KLHL8: variants seen among roughly 807,000 people sequenced by gnomAD.
KLHL8 encodes the protein kelch like family member 8.
KLHL8 carries 38 observed loss-of-function variants against 63.5 expected under a neutral mutation model. The observed-to-expected ratio is 0.60, with a 90% CI of 0.46 to 0.78. The LOEUF is 0.78. Among genes scored for constraint, KLHL8 ranks in the 30% least tolerant of loss-of-function variants. KLHL8 has a pLI of 0.00. For missense variants in KLHL8, 566 were observed against 752.4 expected (o/e 0.75, Z 2.90); for synonymous variants, 224 against 254.3 (o/e 0.88, Z 1.13).
intron 1 of KLHL8, among the ~76,000 whole-genome samples, chr4:87,212,819 T>C (rs1037916478): frequency 6.6e-6 from 1 of 152,184 alleles, no homozygotes; most frequent in Non-Finnish European, 1.5e-5. Context: ...CTGTATAGGT[T>C]TGTAACCCAG....
At chr4:87,215,605 T>TAG (rs1293909017) in intron 1 of KLHL8, among the ~76,000 whole-genome samples, 12 of 152,222 alleles carry the variant, frequency 7.9e-5, no homozygotes, top group Non-Finnish European at 1.0e-4. Context: ...ATGCTACTAG[T>TAG]AACTGATCCA....
chr4:87,203,267 G>A (rs1731987882), intron 1 of KLHL8, among the ~76,000 whole-genome samples: 1 of 147,252 alleles, frequency 6.8e-6, no homozygotes, highest in African/African-American at 2.4e-5. Flanking sequence ...GCTGAGCACA[G>A]TGGCTCACAC....
intron 1 of KLHL8, among the ~76,000 whole-genome samples, chr4:87,198,758 T>C (rs929214531): frequency 1.3e-5 from 2 of 152,206 alleles, no homozygotes; most frequent in Non-Finnish European, 2.9e-5. Flanking sequence ...CATATGAATC[T>C]CTATGTGATA....
intron 1 of KLHL8, among the ~76,000 whole-genome samples, chr4:87,198,832 TG>T (rs1731801819): frequency 6.6e-6 from 1 of 152,240 alleles, no homozygotes; most frequent in Non-Finnish European, 1.5e-5. Context: ...TGCACACCCA[TG>T]TTCACTGTGG....
At chr4:87,233,679 C>T (rs980981855) in intron 1 of KLHL8, among the ~76,000 whole-genome samples, 5 of 152,110 alleles carry the variant, frequency 3.3e-5, no homozygotes, top group Non-Finnish European at 7.4e-5. Flanking sequence ...ATTTCTGGGA[C>T]ATAACGATAT....
chr4:87,224,431 G>A (rs191733479), upstream of KLHL8, among the ~76,000 whole-genome samples: 1 of 152,174 alleles, frequency 6.6e-6, no homozygotes, highest in Non-Finnish European at 1.5e-5. Flanking sequence ...CTTGCCGAGG[G>A]ATTTGGAAAG....
chr4:87,232,193 G>C (rs1046871442), intron 1 of KLHL8, among the ~76,000 whole-genome samples: 1 of 152,136 alleles, frequency 6.6e-6, no homozygotes, highest in Non-Finnish European at 1.5e-5. Context: ...ATCTGAATGT[G>C]ATATTTATTT....
intron 9 of KLHL8, 28 bp downstream of exon 9, chr4:87,163,850 T>C (rs1289869010): frequency 1.1e-5 from 17 of 1,602,778 alleles, no homozygotes; most frequent in African/African-American, 1.3e-5. Context: ...GAAGATAATA[T>C]AAAGCACGGA....
rs1462111387 is a variant in KLHL8, at chr4:87,160,325, C to CCCT, written c.*3193_*3194insAGG. The CCCT allele has an allele frequency of 1.3e-5, 2 of 152,130 alleles. No individual in the cohort carries two copies. Among genetic ancestry groups the CCCT allele is most frequent in the Non-Finnish European group, 2.9e-5 (2 of 67,988 alleles). 9.4% of individuals were successfully genotyped at this position (152,130 alleles called of 1,614,324 possible). On this transcript the variant is annotated 3_prime_UTR_variant, in exon 10 of 10. Coordinates refer to ENST00000273963, the MANE Select transcript of KLHL8 (RefSeq NM_020803.5). Reference sequence around the variant, plus strand: ...AAGGGGAAAGAGACATAGCCAATGGCATCCCAGTAATAATTTCTTTACACA... The same window carrying CCCT: ...AAGGGGAAAGAGACATAGCCAATGGCCCTATCCCAGTAATAATTTCTTTACACA...
At chr4:87,207,505 G>A (rs1471873051) in intron 1 of KLHL8, 10 of 823,888 alleles carry the variant, frequency 1.2e-5, no homozygotes, top group Non-Finnish European at 1.9e-5. Flanking sequence ...TGAGAAGTAT[G>A]ACAACAGCCT....
At chr4:87,207,331 T>C in intron 1 of KLHL8, 1 of 620,876 alleles carries the variant, frequency 1.6e-6, no homozygotes, top group Non-Finnish European at 3.0e-6. Context: ...GCGAGATCCC[T>C]CCAAAATCAA....
intron 4 of KLHL8, among the ~76,000 whole-genome samples, chr4:87,179,167 G>A (rs989064526): frequency 2.6e-5 from 4 of 151,972 alleles, no homozygotes; most frequent in African/African-American, 9.7e-5. Flanking sequence ...ATCTCCACTT[G>A]ATGTCCCACA....
chr4:87,225,949 G>C (rs568564571), intron 1 of KLHL8, among the ~76,000 whole-genome samples: 9 of 152,108 alleles, frequency 5.9e-5, no homozygotes, highest in Non-Finnish European at 1.3e-4. Context: ...CCTAGATAGG[G>C]TTGAATTCTC....
upstream of KLHL8, among the ~76,000 whole-genome samples, chr4:87,223,937 TCCTTC>T (rs2110064749): frequency 6.6e-6 from 1 of 152,304 alleles, no homozygotes; most frequent in African/African-American, 2.4e-5. Flanking sequence ...TCTAAGAAAT[TCCTTC>T]CCTTCCCTCA....
At chr4:87,239,932 C>G (rs1001938731) in intron 1 of KLHL8, among the ~76,000 whole-genome samples, 6 of 152,166 alleles carry the variant, frequency 3.9e-5, no homozygotes, top group African/African-American at 1.4e-4. Flanking sequence ...CATCCAAGAA[C>G]AAACCTTTGA....
At position 87,161,770 on chromosome 4, in the gene KLHL8, T is replaced by G. The variant is rs1032586410; in HGVS notation, c.*1749A>C. On this transcript the variant is annotated 3_prime_UTR_variant, in exon 10 of 10. Coordinates refer to ENST00000273963, the MANE Select transcript of KLHL8 (RefSeq NM_020803.5). ...GCTACAGGGTTAACTGCCTCTGGAC[T>G]GACTGAAATATGGTTGTACTTACAC... The G allele has an allele frequency of 2.0e-5, 3 of 149,180 alleles. No homozygotes were observed. Among genetic ancestry groups the G allele is most frequent in the African/African-American group, 7.7e-5 (3 of 38,734 alleles). The allele number at this position is 149,180 out of a possible 1,614,324, so 9.2% of individuals were successfully genotyped here.
At position 87,185,640 on chromosome 4, in the gene KLHL8, A is replaced by G. The variant is rs772300117; in HGVS notation, c.376T>C (p.Tyr126His). The stretch of plus-strand genomic sequence containing the variant: ...ACAGTCAAAGTGAGCCGTGAAGAAT[A>G]GACAAACTTTACCAAGTCTTCTATT... ...DAIEDLVKFV[Y>H]SSRLTLTVDN... is the part of the protein sequence containing the mutation. Residue 126 changes from tyrosine to histidine, a missense_variant, in exon 3 of 10, where the codon TAT (tyrosine) becomes CAT (histidine). By Grantham distance (83) the Tyr-to-His change is moderately conservative. Coordinates refer to ENST00000273963, the MANE Select transcript of KLHL8 (RefSeq NM_020803.5). The G allele has an allele frequency of 6.2e-7, 1 of 1,614,246 alleles. No individual in the cohort carries two copies. Among genetic ancestry groups the G allele is most frequent in the East Asian group, 2.2e-5 (1 of 44,888 alleles).
At chr4:87,168,809 CACACACAT>C (rs1560690425) in intron 8 of KLHL8, among the ~76,000 whole-genome samples, 20 of 14,660 alleles carry the variant, frequency 1.4e-3, no homozygotes, top group Non-Finnish European at 4.5e-3. Context: ...CATATATATA[CACACACAT>C]ATATATATAT....
intron 1 of KLHL8, among the ~76,000 whole-genome samples, chr4:87,228,144 G>A (rs115798746): frequency 0.01 from 1,581 of 152,294 alleles, 17 homozygotes; most frequent in Middle Eastern, 0.034. Context: ...GAAGTTCTGC[G>A]TGTGGGACCC....
Sources: gnomAD v4.1 joint callset for allele counts (sites outside exome capture counted in the v4.1 genomes callset) on GRCh38, gnomAD v4.1.1 for gene constraint, MANE v1.5 for transcripts, NCBI Gene and HGNC (gene_info 2026-07-23, HGNC 2026-07-21) for gene names.